Variants in ROCK2 observed in about 807,000 individuals in gnomAD.
The protein encoded by ROCK2 is rho-associated protein kinase 2.
A neutral mutation model predicts 195.1 loss-of-function variants in ROCK2; 61 were observed. The ratio of observed to expected loss-of-function variants is 0.31; its 90% CI spans 0.25 to 0.39. The LOEUF is 0.39. Ranked by LOEUF, ROCK2 falls within the 10% of genes least tolerant of loss-of-function variation. The pLI is 1.00. For synonymous variants in ROCK2, 504 were observed against 545.5 expected, an observed-to-expected ratio of 0.92 and a Z score of 1.06; for missense variants, 1,109 against 1,637.4, an observed-to-expected ratio of 0.68 and a Z score of 5.57.
chr2:11,278,200 G>A (rs1324580323), intron 3 of ROCK2, among the ~76,000 whole-genome samples: 2 of 152,106 alleles, frequency 1.3e-5, no homozygotes, highest in Admixed American at 1.3e-4. Flanking sequence ...CCATCTAACT[G>A]AAATGTTGTA....
intron 1 of ROCK2, among the ~76,000 whole-genome samples, chr2:11,334,510 C>CA (rs34182610): frequency 0.35 from 31,378 of 89,432 alleles, 5,785 homozygotes; most frequent in Admixed American, 0.45. Context: ...GACTCTGTCT[C>CA]AAAAAAAAAA....
At chr2:11,224,242 T>C in intron 7 of ROCK2, 80 bp downstream of exon 7, 4 of 1,327,630 alleles carry the variant, frequency 3.0e-6, no homozygotes, top group Non-Finnish European at 4.2e-6. Context: ...TGATTTCATA[T>C]GTTAATAAGC....
Position 11,258,216 on chromosome 2 carries a change from T to A in ROCK2, c.325-8418A>T, listed in dbSNP as rs1470568646. 1.3e-5 allele frequency among the ~76,000 whole-genome samples: 2 copies of A among 151,528 alleles called. 1 individual carries two copies. The highest frequency in any genetic ancestry group is 1.3e-4 in the Admixed American group (2 of 15,276). ...GTAGATGCTTAATATAATGACGACA[T>A]GGTGAATGCATGAGTGAATAAGTGA... On this transcript the variant is annotated intron_variant, in intron 3 of 32. Transcript: ENST00000315872.
intron 1 of ROCK2, among the ~76,000 whole-genome samples, chr2:11,296,220 T>C (rs1013989266): frequency 2.0e-5 from 3 of 152,208 alleles, no homozygotes; most frequent in African/African-American, 4.8e-5. Context: ...TGTAAAATAT[T>C]TGTGGATATA....
intron 32 of ROCK2, among the ~76,000 whole-genome samples, chr2:11,191,223 A>G (rs761929910): frequency 1.3e-5 from 2 of 152,222 alleles, no homozygotes; most frequent in Non-Finnish European, 2.9e-5. Flanking sequence ...TTCAATGGAT[A>G]GCAATGTTTA....
chr2:11,312,170 T>G (rs1236145323), intron 1 of ROCK2, among the ~76,000 whole-genome samples: 1 of 152,210 alleles, frequency 6.6e-6, no homozygotes, highest in Non-Finnish European at 1.5e-5. Context: ...TTATTACAGT[T>G]ATTCTCAATA....
At chr2:11,275,170 T>C (rs1247984827) in intron 3 of ROCK2, among the ~76,000 whole-genome samples, 1 of 151,486 alleles carries the variant, frequency 6.6e-6, no homozygotes, top group African/African-American at 2.4e-5. Context: ...GGCAGGAGAA[T>C]CGCTTGAACC....
intron 1 of ROCK2, among the ~76,000 whole-genome samples, chr2:11,302,204 C>T (rs541271081): frequency 6.6e-6 from 1 of 152,328 alleles, no homozygotes; most frequent in Admixed American, 6.5e-5. Flanking sequence ...CTCTAATCTC[C>T]CTCTGCTCCA....
At chr2:11,193,711 G>T in intron 30 of ROCK2, 68 bp downstream of exon 30, 1 of 844,308 alleles carries the variant, frequency 1.2e-6, no homozygotes, top group South Asian at 1.6e-5. Flanking sequence ...CATGTCACTT[G>T]AGAACTTCTA....
chr2:11,235,795 T>G lies in ROCK2; in HGVS notation c.630A>C (p.Leu210Phe). ...TGTCAGGCTTCACATCTCTGTGTAT[T>G]AAACCCATGGAGTGTATTGCATCCA... ...LALDAIHSMG[L>F]IHRDVKPDNM... The change falls in exon 5 of 33, where the codon TTA becomes TTC. Residue 210 changes from leucine (L) to phenylalanine (F), a missense_variant. This residue lies in a region of ROCK2 where 253 missense variants were observed against 455.5 expected (regional missense o/e 0.56). Coordinates refer to ENST00000315872, the MANE Select transcript of ROCK2 (RefSeq NM_004850.5). This position sits in a 1 kb window ranked among gnomAD's most constrained non-coding sequence, Gnocchi z 4.2. 1 of 1,614,034 alleles carries G rather than the reference T, an allele frequency of 6.2e-7. No homozygotes were observed. The highest frequency in any genetic ancestry group is 8.5e-7 in the Non-Finnish European group (1 of 1,179,950).
chr2:11,283,341 A>T (rs1418485278), intron 3 of ROCK2, among the ~76,000 whole-genome samples: 1 of 150,862 alleles, frequency 6.6e-6, no homozygotes, highest in African/African-American at 2.4e-5. Flanking sequence ...CGGGTGGATC[A>T]TGAGGTCAGG....
intron 1 of ROCK2, among the ~76,000 whole-genome samples, chr2:11,343,310 G>A (rs962979044): frequency 3.3e-5 from 5 of 152,102 alleles, no homozygotes; most frequent in African/African-American, 9.7e-5. Context: ...CAGCCTTTAC[G>A]GTGCTATTAA....
At chr2:11,264,506 C>G (rs370053278) in intron 3 of ROCK2, among the ~76,000 whole-genome samples, 2 of 152,204 alleles carry the variant, frequency 1.3e-5, no homozygotes, top group East Asian at 3.9e-4. Flanking sequence ...GGAGGAAGAA[C>G]AAAGTTAGAG....
chr2:11,304,816 G>T (rs759596618), intron 1 of ROCK2, among the ~76,000 whole-genome samples: 4 of 152,178 alleles, frequency 2.6e-5, no homozygotes, highest in Non-Finnish European at 5.9e-5. Context: ...CAAGAAGTAG[G>T]AATGGTGTAG....
At chr2:11,285,711 C>T (rs1270831340) in intron 3 of ROCK2, among the ~76,000 whole-genome samples, 6 of 152,082 alleles carry the variant, frequency 3.9e-5, no homozygotes, top group Non-Finnish European at 7.4e-5. Context: ...CCTATAGTCC[C>T]AGCTTCTTGG....
At chr2:11,345,125 G>A (rs1003323791), upstream of ROCK2, among the ~76,000 whole-genome samples, 14 of 152,208 alleles carry the variant, frequency 9.2e-5, no homozygotes, top group Admixed American at 3.9e-4. Flanking sequence ...GCGCCCGCGA[G>A]GGGCCGCAGG....
At chr2:11,330,874 GGAAGAGGAAT>G (rs1668720478) in intron 1 of ROCK2, among the ~76,000 whole-genome samples, 1 of 79,218 alleles carries the variant, frequency 1.3e-5, no homozygotes, top group Non-Finnish European at 2.6e-5. Context: ...GGAGGAGGGA[GGAAGAGGAAT>G]GAGGAGGAGG....
intron 10 of ROCK2, 64 bp downstream of exon 10, chr2:11,218,902 G>C (rs1430665093): frequency 2.2e-6 from 2 of 924,498 alleles, no homozygotes; most frequent in African/African-American, 3.3e-5. Context: ...TTAAAAACAT[G>C]GGGATTACTA....
chr2:11,214,428 C>A lies in ROCK2; in HGVS notation c.1972G>T (p.Gly658Cys), dbSNP rs1474975134. ...TCTACTTTCGCTAGTAAGATTTTGCCGTTCTTTAAATCTTCTTCTAGGCCA... is the reference window on the plus strand; with the variant it reads ...TCTACTTTCGCTAGTAAGATTTTGCAGTTCTTTAAATCTTCTTCTAGGCCA... ...ICGLEEDLKN[G>C]KILLAKVELE... The change falls in exon 17 of 33, where the codon GGC (glycine) becomes TGC (cysteine). Residue 658 changes from glycine (G) to cysteine (C), a missense_variant. Gly to Cys is a radical substitution (Grantham distance 159). Transcript: ENST00000315872. 4.3e-6 allele frequency: 7 copies of A among 1,609,792 alleles called. No individual in the cohort carries two copies. The highest frequency in any genetic ancestry group is 5.1e-6 in the Non-Finnish European group (6 of 1,177,004).
Sources: gnomAD v4.1 joint callset for allele counts (sites outside exome capture counted in the v4.1 genomes callset) on GRCh38, gnomAD v4.1.1 for gene constraint, gnomAD v4.1.1 regional missense constraint, Gnocchi (gnomAD v3.1) non-coding constraint, MANE v1.5 for transcripts, NCBI Gene and HGNC (gene_info 2026-07-23, HGNC 2026-07-21) for gene names.